The following LIMA1 variants were observed in gnomAD, a reference collection of about 807,000 sequenced individuals.
The protein encoded by LIMA1 is LIM domain and actin-binding protein 1.
In LIMA1, 52 loss-of-function variants were observed where a neutral mutation model predicts 62.6. The observed-to-expected ratio is 0.83, with a 90% CI of 0.67 to 1.05. LIMA1 has a LOEUF of 1.05. LIMA1 is among the 50% of genes least tolerant of loss of function. LIMA1 has a pLI of 0.00. For synonymous variants in LIMA1, 302 were observed against 317.8 expected (o/e 0.95, Z 0.53); for missense variants, 780 against 902.2 (o/e 0.86, Z 1.74).
At position 50,222,333 on chromosome 12, in the gene LIMA1, A is replaced by T; in HGVS notation, c.318T>A (p.Ala106=). ...EIRHRADHPP[A]EVTSHAASGA... Reference sequence around the variant, plus strand: ...CAGAAGCAGCGTGGCTTGTCACTTCAGCAGGAGGATGGTCTGCTCTGTGCC... The same window carrying T: ...CAGAAGCAGCGTGGCTTGTCACTTCTGCAGGAGGATGGTCTGCTCTGTGCC... The change falls in exon 4 of 11, where the codon GCT becomes GCA. Residue 106 remains alanine, a synonymous_variant. Transcript: ENST00000341247. 1 of 1,614,092 alleles carries T rather than the reference A, an allele frequency of 6.2e-7. No individual in the cohort carries two copies. The highest frequency in any genetic ancestry group is 1.1e-5 in the South Asian group (1 of 91,082).
At chr12:50,210,428 A>AAAAAAAAAG (rs1555206227) in intron 4 of LIMA1, among the ~76,000 whole-genome samples, 16 of 150,742 alleles carry the variant, frequency 1.1e-4, no homozygotes, top group African/African-American at 3.7e-4. Context: ...CAAAAAAAAA[A>AAAAAAAAAG]AAAAAAAGAA....
chr12:50,232,427 T>C (rs1395677762), intron 2 of LIMA1, among the ~76,000 whole-genome samples: 1 of 150,600 alleles, frequency 6.6e-6, no homozygotes, highest in Non-Finnish European at 1.5e-5. Flanking sequence ...TGAAGTTCAG[T>C]AGCGTGATCT....
At position 50,200,802 on chromosome 12, in the gene LIMA1, C is replaced by G. The variant is rs747984783; in HGVS notation, c.947G>C (p.Cys316Ser). Residue 316 changes from cysteine to serine, a missense_variant, in exon 7 of 11, where the codon TGC becomes TCC. By Grantham distance (112) the Cys-to-Ser change is moderately radical. Transcript: ENST00000341247. The stretch of plus-strand genomic sequence containing the variant: ...CTTTTCCCCTTCCTGATGGGTGATG[C>G]AGACCTCAGGACCTGGGGGCACATT... ...KENVPPGPEV[C>S]ITHQEGEKIS... 1 of 1,614,120 alleles carries G rather than the reference C, an allele frequency of 6.2e-7. No homozygotes were observed. Among genetic ancestry groups the G allele is most frequent in the Non-Finnish European group, 8.5e-7 (1 of 1,179,994 alleles).
chr12:50,268,063 T>C (rs1356984758), intron 1 of LIMA1, among the ~76,000 whole-genome samples: 1 of 152,214 alleles, frequency 6.6e-6, no homozygotes, highest in African/African-American at 2.4e-5. Flanking sequence ...CCTTGTACAA[T>C]TGGATTTGCC....
chr12:50,258,822 A>AT (rs1190567104), intron 1 of LIMA1, among the ~76,000 whole-genome samples: 1 of 149,724 alleles, frequency 6.7e-6, no homozygotes, highest in African/African-American at 2.5e-5. Flanking sequence ...TAATTTTTGT[A>AT]TTTTTAGTAG....
chr12:50,277,625 TAGC>T lies in LIMA1; in HGVS notation c.-24+5792_-24+5794del, dbSNP rs559805091. On this transcript the variant is annotated intron_variant, in intron 1 of 10. Coordinates refer to ENST00000341247, the MANE Select transcript of LIMA1 (RefSeq NM_016357.5). Reference sequence around the variant, plus strand: ...TAAGTTGGGAATCCTGACTCTCAAATAGCACCCTTTCCATTCTGCAGTACTGCT... The same window carrying T: ...TAAGTTGGGAATCCTGACTCTCAAATACCCTTTCCATTCTGCAGTACTGCT... Among the ~76,000 whole-genome samples the T allele has an allele frequency of 2.2e-4, 33 of 152,282 alleles. No homozygotes were observed. In the East Asian group the frequency reaches 4.2e-3, roughly 20 times the overall value.
intron 9 of LIMA1, 96 bp downstream of exon 9, chr12:50,192,356 A>C: frequency 1.1e-6 from 1 of 916,790 alleles, no homozygotes; most frequent in Non-Finnish European, 1.8e-6. Flanking sequence ...CAGGAAAGCA[A>C]AACCAGGTTA....
chr12:50,185,318 T>C, intron 9 of LIMA1: 1 of 454,638 alleles, frequency 2.2e-6, no homozygotes, highest in Non-Finnish European at 4.4e-6. Context: ...AGGCACACAC[T>C]GTGGGAGGGG....
At chr12:50,269,750 C>T (rs1334196189) in intron 1 of LIMA1, among the ~76,000 whole-genome samples, 1 of 151,010 alleles carries the variant, frequency 6.6e-6, no homozygotes, top group Non-Finnish European at 1.5e-5. Flanking sequence ...GAAACCCCGT[C>T]TCTACTAAAA....
intron 1 of LIMA1, among the ~76,000 whole-genome samples, chr12:50,266,899 T>A (rs1942145340): frequency 6.6e-6 from 1 of 151,214 alleles, no homozygotes; most frequent in Non-Finnish European, 1.5e-5. Context: ...ATACATTTAC[T>A]TTTTTTTTAT....
chr12:50,208,408 C>T (rs1019065029), intron 4 of LIMA1, among the ~76,000 whole-genome samples: 2 of 152,158 alleles, frequency 1.3e-5, no homozygotes, highest in African/African-American at 4.8e-5. Flanking sequence ...ATCGCTTGAA[C>T]CCAGGAGGCG....
At chr12:50,255,910 G>T (rs146957259) in intron 1 of LIMA1, among the ~76,000 whole-genome samples, 22 of 150,910 alleles carry the variant, frequency 1.5e-4, no homozygotes, top group Non-Finnish European at 2.4e-4. Context: ...TTTTTTTTGA[G>T]ATGGAGTCTC....
chr12:50,226,645 C>T (rs1166284187), intron 3 of LIMA1, among the ~76,000 whole-genome samples: 1 of 152,252 alleles, frequency 6.6e-6, no homozygotes, highest in South Asian at 2.1e-4. Context: ...TTGAGACCAT[C>T]CTGGCCAACA....
intron 2 of LIMA1, among the ~76,000 whole-genome samples, chr12:50,232,043 CTTTT>C (rs750844822): frequency 2.4e-5 from 2 of 83,450 alleles, no homozygotes; most frequent in Admixed American, 1.4e-4. Context: ...GAGTGCCCAG[CTTTT>C]TTTTTTTTTT....
At chr12:50,193,527 C>T (rs1401286464) in intron 8 of LIMA1, among the ~76,000 whole-genome samples, 2 of 113,930 alleles carry the variant, frequency 1.8e-5, no homozygotes, top group African/African-American at 7.1e-5. Context: ...TATATATACA[C>T]ATATATGATA....
chr12:50,207,010 C>T (rs752688690), intron 4 of LIMA1, among the ~76,000 whole-genome samples: 6 of 151,960 alleles, frequency 3.9e-5, no homozygotes, highest in African/African-American at 7.3e-5. Flanking sequence ...CTGCAGCCTC[C>T]GCCTCCCAGG....
At chr12:50,182,138 G>T (rs1940519141) in intron 9 of LIMA1, 101 bp from the exon 10 acceptor site, 8 of 1,303,300 alleles carry the variant, frequency 6.1e-6, no homozygotes, top group Non-Finnish European at 8.6e-6. Flanking sequence ...TCCCTTAGCT[G>T]GTCAGTCAAT....
At chr12:50,228,105 G>T (rs1038403996) in intron 3 of LIMA1, among the ~76,000 whole-genome samples, 3 of 152,060 alleles carry the variant, frequency 2.0e-5, no homozygotes, top group Non-Finnish European at 4.4e-5. Flanking sequence ...TGATCCGCCC[G>T]CCTCGGCCTC....
At chr12:50,237,615 C>T (rs1941714672) in intron 2 of LIMA1, among the ~76,000 whole-genome samples, 1 of 150,852 alleles carries the variant, frequency 6.6e-6, no homozygotes, top group Non-Finnish European at 1.5e-5. Context: ...CCAGCCTGGG[C>T]AACAGAGTGA....
Sources: gnomAD v4.1 joint callset for allele counts (sites outside exome capture counted in the v4.1 genomes callset) on GRCh38, gnomAD v4.1.1 for gene constraint, MANE v1.5 for transcripts, NCBI Gene and HGNC (gene_info 2026-07-23, HGNC 2026-07-21) for gene names.